DPY19L2: variants seen among roughly 807,000 people sequenced by gnomAD.
DPY19L2 encodes probable C-mannosyltransferase DPY19L2.
In DPY19L2, 34 loss-of-function variants were observed where a neutral mutation model predicts 97.9. The observed-to-expected ratio is 0.35, with a 90% CI of 0.26 to 0.46. DPY19L2 has a LOEUF of 0.46. Among genes scored for constraint, DPY19L2 ranks in the 20% least tolerant of loss-of-function variants. The pLI is 1.00. For missense variants in DPY19L2, 623 were observed against 911.4 expected (o/e 0.68, Z 4.07); for synonymous variants, 230 against 307.9 (o/e 0.75, Z 2.65).
Position 63,590,729 on chromosome 12 carries a change from C to T in DPY19L2, c.1580+3358G>A, listed in dbSNP as rs559301355. 2.0e-5 allele frequency among the ~76,000 whole-genome samples: 3 copies of T among 151,968 alleles called. No individual in the cohort carries two copies. The South Asian group carries it at 6.2e-4, about 32-fold the overall frequency. ...ATACAAAGCTACTTACAATCAGCACCCAGGGGAGCAGATCTAAGAGAGGGG... is the reference window on the plus strand; with the variant it reads ...ATACAAAGCTACTTACAATCAGCACTCAGGGGAGCAGATCTAAGAGAGGGG... On this transcript the variant is annotated intron_variant, in intron 16 of 21. Transcript: ENST00000324472.
At chr12:63,588,447 C>T (rs1175800747) in intron 16 of DPY19L2, among the ~76,000 whole-genome samples, 1 of 151,930 alleles carries the variant, frequency 6.6e-6, no homozygotes, top group African/African-American at 2.4e-5. Flanking sequence ...TTCGAGAGAT[C>T]GACTATAGAA....
chr12:63,635,888 G>C (rs1283731399), intron 6 of DPY19L2, among the ~76,000 whole-genome samples: 1 of 152,246 alleles, frequency 6.6e-6, no homozygotes, highest in Middle Eastern at 3.4e-3. Flanking sequence ...GCCCAACCTA[G>C]CAAGGCAGGC....
At chr12:63,665,559 C>T (rs1404728427) in intron 2 of DPY19L2, among the ~76,000 whole-genome samples, 2 of 151,698 alleles carry the variant, frequency 1.3e-5, no homozygotes, top group African/African-American at 4.8e-5. Flanking sequence ...ATACAAAATA[C>T]ACTAGAAAAG....
In DPY19L2 at chr12:63,659,879, T is replaced by G. The variant is rs556983793; in HGVS notation, c.588+1465A>C. ...CATGTAAGTCATACCTCAAAAAAGC[T>G]GATTTGGTGACAAAGATTTATATAT... On this transcript the variant is annotated intron_variant, in intron 4 of 21. Coordinates refer to ENST00000324472, the MANE Select transcript of DPY19L2 (RefSeq NM_173812.5). Among the ~76,000 whole-genome samples the G allele has an allele frequency of 2.6e-5, 4 of 152,268 alleles. No homozygotes were observed. In the East Asian group the frequency reaches 7.7e-4, roughly 29 times the overall value.
At chr12:63,638,799 A>G (rs368423568) in intron 6 of DPY19L2, among the ~76,000 whole-genome samples, 1 of 152,158 alleles carries the variant, frequency 6.6e-6, no homozygotes, top group Non-Finnish European at 1.5e-5. Flanking sequence ...TATAGATTCA[A>G]TGCCATCCCC....
intron 13 of DPY19L2, 57 bp downstream of exon 13, chr12:63,600,248 GT>G (rs1432415633): frequency 4.2e-6 from 6 of 1,419,448 alleles, no homozygotes; most frequent in Non-Finnish European, 6.0e-6. Flanking sequence ...TGGTTTCAAA[GT>G]TTTCATTCAG....
At chr12:63,593,878 C>A (rs1883631810) in intron 16 of DPY19L2, among the ~76,000 whole-genome samples, 1 of 151,954 alleles carries the variant, frequency 6.6e-6, no homozygotes, top group Non-Finnish European at 1.5e-5. Flanking sequence ...AGTTGGTTCA[C>A]AAATATATAT....
At chr12:63,659,393 T>C (rs1040956280) in intron 4 of DPY19L2, among the ~76,000 whole-genome samples, 5 of 151,690 alleles carry the variant, frequency 3.3e-5, no homozygotes, top group Admixed American at 6.6e-5. Context: ...TGATCGTGGA[T>C]TGGAAAATTC....
rs2137227673 is a variant in DPY19L2 at position 63,560,457 on chromosome 12, G to C, written c.*55C>G. 2 of 1,573,424 alleles carry C rather than the reference G, an allele frequency of 1.3e-6. No homozygotes were observed. The highest frequency in any genetic ancestry group is 1.3e-5 in the African/African-American group (1 of 74,140). On this transcript the variant is annotated 3_prime_UTR_variant, in exon 22 of 22. Coordinates refer to ENST00000324472, the MANE Select transcript of DPY19L2 (RefSeq NM_173812.5). The stretch of plus-strand genomic sequence containing the variant: ...TTTTATTAATGTGAATAAGCCAAAG[G>C]GTGATTGTTTTTGACACACGGCATT...
intron 11 of DPY19L2, among the ~76,000 whole-genome samples, chr12:63,615,585 C>G (rs1887692801): frequency 6.6e-6 from 1 of 152,166 alleles, no homozygotes; most frequent in Non-Finnish European, 1.5e-5. Context: ...AAATCCTCCA[C>G]ATGTTCTATG....
rs1032787341 is a variant in DPY19L2 at position 63,654,250 on chromosome 12, T to A, written c.589-6885A>T. Among the ~76,000 whole-genome samples the A allele has an allele frequency of 2.0e-5, 3 of 152,160 alleles. No individual in the cohort carries two copies. In the South Asian group the frequency reaches 6.2e-4, roughly 32 times the overall value. On this transcript the variant is annotated intron_variant, in intron 4 of 21. Coordinates refer to ENST00000324472, the MANE Select transcript of DPY19L2 (RefSeq NM_173812.5). ...TAAGTTTGATGATTAAAACATACAGTAAAATGACAGCAGCAACAGATTGTA... is the reference window on the plus strand; with the variant it reads ...TAAGTTTGATGATTAAAACATACAGAAAAATGACAGCAGCAACAGATTGTA...
intron 21 of DPY19L2, among the ~76,000 whole-genome samples, chr12:63,563,442 A>G (rs1460562465): frequency 1.3e-5 from 2 of 152,126 alleles, no homozygotes; most frequent in Non-Finnish European, 2.9e-5. Flanking sequence ...TAGTTTGCTG[A>G]GGGTTTTTAA....
intron 12 of DPY19L2, among the ~76,000 whole-genome samples, chr12:63,606,923 A>G (rs1818019): frequency 0.71 from 108,148 of 151,984 alleles, 39,400 homozygotes; most frequent in African/African-American, 0.86. Flanking sequence ...TTCTATTGAC[A>G]TTAAACTCTA....
In DPY19L2 at chr12:63,626,530, TA is replaced by T. The variant is rs371578418; in HGVS notation, c.804-5del. ...AAGACCTCCCAGTTGAGTCCCACTG[TA>T]AAAAAAAAACAAAAAAAACAGAGAA... On this transcript the variant is annotated splice_region_variant and splice_polypyrimidine_tract_variant and intron_variant, in intron 6 of 21. Coordinates refer to ENST00000324472, the MANE Select transcript of DPY19L2 (RefSeq NM_173812.5). The T allele has an allele frequency of 1.7e-4, 229 of 1,345,924 alleles. No homozygotes were observed. The highest frequency in any genetic ancestry group is 8.3e-4 in the Admixed American group (29 of 34,922). The allele number at this position is 1,345,924 out of a possible 1,614,324, so 83.4% of individuals were successfully genotyped here.
intron 6 of DPY19L2, among the ~76,000 whole-genome samples, chr12:63,629,570 A>T (rs1890208676): frequency 6.6e-6 from 1 of 152,194 alleles, no homozygotes; most frequent in African/African-American, 2.4e-5. Flanking sequence ...ACTATGTGAA[A>T]AGACCAAGTC....
intron 18 of DPY19L2, 143 bp from the exon 19 acceptor site, chr12:63,580,979 T>C: frequency 4.5e-6 from 4 of 883,664 alleles, no homozygotes; most frequent in Admixed American, 3.2e-5. Flanking sequence ...TCATCTCCGA[T>C]TGTTTCTAAA....
rs754752192 is a variant in DPY19L2, at chr12:63,597,811, C to T, written c.1459G>A (p.Ala487Thr). The T allele has an allele frequency of 1.9e-6, 3 of 1,605,086 alleles. No homozygotes were observed. Among genetic ancestry groups the T allele is most frequent in the Admixed American group, 1.7e-5 (1 of 59,164 alleles). The stretch of plus-strand genomic sequence containing the variant: ...AAGGAAAAAAGAAACATTCATACCG[C>T]TTTTTCCATGAAGTCAAATTCGGGA... ...CAPEFDFMEK[A>T]TPLRYTKTLL... The change falls in exon 14 of 22, where the codon GCG (alanine) becomes ACG (threonine). Residue 487 changes from alanine (A) to threonine (T), a missense_variant and splice_region_variant. Ala to Thr is a moderately conservative substitution (Grantham distance 58, BLOSUM62 0). Around this residue, in one of 6 missense-constraint regions of DPY19L2, gnomAD observed 294 missense variants for 446.2 expected, o/e 0.66. Coordinates refer to ENST00000324472, the MANE Select transcript of DPY19L2 (RefSeq NM_173812.5).
chr12:63,642,778 G>C (rs1200914033), intron 6 of DPY19L2, among the ~76,000 whole-genome samples: 1 of 151,602 alleles, frequency 6.6e-6, no homozygotes, highest in African/African-American at 2.4e-5. Flanking sequence ...TTGGCCCTTT[G>C]CATTTTTGAA....
intron 19 of DPY19L2, among the ~76,000 whole-genome samples, chr12:63,573,081 A>G (rs1166280714): frequency 6.6e-6 from 1 of 152,058 alleles, no homozygotes; most frequent in African/African-American, 2.4e-5. Flanking sequence ...GCAGGAAAAC[A>G]TGACCTCACC....
Sources: gnomAD v4.1 joint callset for allele counts (sites outside exome capture counted in the v4.1 genomes callset) on GRCh38, gnomAD v4.1.1 for gene constraint, gnomAD v4.1.1 regional missense constraint, MANE v1.5 for transcripts, NCBI Gene and HGNC (gene_info 2026-07-23, HGNC 2026-07-21) for gene names.